Variants in REG1B observed in about 807,000 individuals in gnomAD.
REG1B encodes the protein lithostathine-1-beta.
REG1B carries 21 observed loss-of-function variants against 20.4 expected under a neutral mutation model. The ratio of observed to expected loss-of-function variants is 1.03; its 90% CI spans 0.73 to 1.48. REG1B has a LOEUF of 1.48. REG1B is among the 40% of genes most tolerant of loss of function. REG1B has a pLI of 0.00. For synonymous variants in REG1B, 82 were observed against 73.4 expected (o/e 1.12, Z -0.60); for missense variants, 247 against 197.2 (o/e 1.25, Z -1.51).
chr2:79,087,440 T>C (rs538796768), intron 2 of REG1B, 109 bp downstream of exon 2: 3 of 1,113,406 alleles, frequency 2.7e-6, no homozygotes, highest in East Asian at 2.5e-5. Flanking sequence ...CTGAACAACA[T>C]AAAAAAACCC....
rs746185421 is a variant in REG1B at position 79,085,168 on chromosome 2, T to G, written c.*48A>C. ...ACATAGTCTAGTTTAATTTTTGACTTCATAGTAATTGCAGGACCAGTTCTA... is the reference window on the plus strand; with the variant it reads ...ACATAGTCTAGTTTAATTTTTGACTGCATAGTAATTGCAGGACCAGTTCTA... On this transcript the variant is annotated 3_prime_UTR_variant, in exon 6 of 6. Coordinates refer to ENST00000305089, the MANE Select transcript of REG1B (RefSeq NM_006507.4). 2.9e-6 allele frequency: 4 copies of G among 1,374,018 alleles called. No individual in the cohort carries two copies. Among genetic ancestry groups the G allele is most frequent in the Non-Finnish European group, 4.2e-6 (4 of 961,608 alleles). The allele number at this position is 1,374,018 out of a possible 1,614,324, so 85.1% of individuals were successfully genotyped here.
Position 79,086,358 on chromosome 2 carries a change from C to A in REG1B, c.321+9G>T, listed in dbSNP as rs1159364902. ...GTTTATAAGGAGATAGAGGTGGCTG[C>A]AGACTGACCTTTTTTGGGTCATGGA... On this transcript the variant is annotated intron_variant, in intron 4 of 5. Coordinates refer to ENST00000305089, the MANE Select transcript of REG1B (RefSeq NM_006507.4). 1 of 1,613,830 alleles carries A rather than the reference C, an allele frequency of 6.2e-7. No homozygotes were observed. Among genetic ancestry groups the A allele is most frequent in the Non-Finnish European group, 8.5e-7 (1 of 1,179,908 alleles).
rs903856746 is a variant in REG1B, at chr2:79,085,098, C to T, written c.*118G>A. On this transcript the variant is annotated 3_prime_UTR_variant, in exon 6 of 6. Transcript: ENST00000305089. ...GACAGGTGAAGGTACTGAAGATCAG[C>T]GATGCAAACTCATTAGGGAGGAGAT... 19 of 716,060 alleles carry T rather than the reference C, an allele frequency of 2.7e-5. No individual in the cohort carries two copies. The highest frequency in any genetic ancestry group is 3.8e-5 in the Non-Finnish European group (15 of 398,464). The allele number at this position is 716,060 out of a possible 1,614,324, so 44.4% of individuals were successfully genotyped here.
At chr2:79,085,975 T>C (rs1303697875) in intron 4 of REG1B, 2 of 271,458 alleles carry the variant, frequency 7.4e-6, no homozygotes, top group East Asian at 1.8e-4. Flanking sequence ...AATAATATAC[T>C]GTACAGTTTT....
At chr2:79,086,751 C>T (rs533079813) in intron 3 of REG1B, 61 bp downstream of exon 3, 2 of 1,506,844 alleles carry the variant, frequency 1.3e-6, no homozygotes, top group East Asian at 4.5e-5. Context: ...GAACACACTG[C>T]AAATTAGCAG....
intron 3 of REG1B, 39 bp downstream of exon 3, chr2:79,086,773 T>A (rs367866883): frequency 6.3e-7 from 1 of 1,581,110 alleles, no homozygotes; most frequent in African/African-American, 1.3e-5. Flanking sequence ...TGCCTCTACC[T>A]TCATAAGCCT....
At chr2:79,087,930 C>A in intron 1 of REG1B, 29 bp downstream of exon 1, 1 of 260,118 alleles carries the variant, frequency 3.8e-6, no homozygotes, top group Non-Finnish European at 7.4e-6. Context: ...CCACGTTAGA[C>A]ATGCTCTTCT....
rs539158429 is a variant in REG1B, at chr2:79,085,600, G to A, written c.325C>T (p.Arg109Cys). The change falls in exon 5 of 6, where the codon CGC becomes TGC. Residue 109 changes from arginine (R) to cysteine (C), a missense_variant. Arg to Cys is a radical substitution (Grantham distance 180). Coordinates refer to ENST00000305089, the MANE Select transcript of REG1B (RefSeq NM_006507.4). ...WIGLHDPKKN[R>C]RWHWSSGSLV... ...GACCCACTACTCCAGTGCCAGCGGC[G>A]GTTCTAGATGGAGAAGGGCCAGAAC... 99 of 1,607,960 alleles carry A rather than the reference G, an allele frequency of 6.2e-5. No individual in the cohort carries two copies. Among genetic ancestry groups the A allele is most frequent in the South Asian group, 9.9e-5 (9 of 90,768 alleles).
intron 1 of REG1B, 54 bp from the exon 2 acceptor site, chr2:79,087,712 T>A (rs1672420984): frequency 1.8e-6 from 2 of 1,119,890 alleles, no homozygotes; most frequent in Non-Finnish European, 2.6e-6. Context: ...GCACCTGTTA[T>A]CTTTCTAACA....
rs1672418409 is a variant in REG1B at position 79,087,588 on chromosome 2, T to C, written c.25A>G (p.Met9Val). The C allele has an allele frequency of 6.2e-7, 1 of 1,613,788 alleles. No homozygotes were observed. Among genetic ancestry groups the C allele is most frequent in the East Asian group, 2.2e-5 (1 of 44,866 alleles). The part of the protein sequence containing the change: MAQTNSFF[M>V]LISSLMFLSL... Reference sequence around the variant, plus strand: ...AGGAACATCAGGGAGGAGATCAGCATGAAGAACGAGTTGGTCTGAGCCATG... The same window carrying C: ...AGGAACATCAGGGAGGAGATCAGCACGAAGAACGAGTTGGTCTGAGCCATG... Residue 9 changes from methionine to valine, a missense_variant, in exon 2 of 6, where the codon ATG becomes GTG. Physicochemically the swap from Met to Val is conservative, Grantham distance 21. Coordinates refer to ENST00000305089, the MANE Select transcript of REG1B (RefSeq NM_006507.4).
In REG1B at chr2:79,086,903, T is replaced by C; in HGVS notation, c.92A>G (p.Asn31Ser). 1 of 1,613,726 alleles carries C rather than the reference T, an allele frequency of 6.2e-7. No homozygotes were observed. The highest frequency in any genetic ancestry group is 8.5e-7 in the Non-Finnish European group (1 of 1,179,902). Residue 31 changes from asparagine to serine, a missense_variant, in exon 3 of 6, where the codon AAT becomes AGT. Asn to Ser is a conservative substitution (Grantham distance 46, BLOSUM62 1). Coordinates refer to ENST00000305089, the MANE Select transcript of REG1B (RefSeq NM_006507.4). ...QGQESQTELP[N>S]PRISCPEGTN... ...GCCTTCTGGGCAGCTGATTCGGGGA[T>C]TAGGCAGCTCTGTCTGGGACTCCTG...
In REG1B at chr2:79,085,460, G is replaced by A. The variant is rs769642917; in HGVS notation, c.433+32C>T. On this transcript the variant is annotated intron_variant, in intron 5 of 5. Transcript: ENST00000305089. ...CCCCAGAGATAAGTGGGAAGGAAAT[G>A]GCAACAGGTGGATAGATTGTCTGCC... is the stretch of plus-strand genomic sequence containing the variant. 3.9e-6 allele frequency: 6 copies of A among 1,551,540 alleles called. No homozygotes were observed. The South Asian group carries it at 6.7e-5, about 17-fold the overall frequency.
At chr2:79,086,984 G>C in intron 2 of REG1B, 54 bp from the exon 3 acceptor site, 1 of 1,451,496 alleles carries the variant, frequency 6.9e-7, no homozygotes, top group South Asian at 1.1e-5. Context: ...CAAGGAAAAG[G>C]CTGGAAGGTG....
At chr2:79,086,028 C>A (rs1052181030) in intron 4 of REG1B, 11 of 312,456 alleles carry the variant, frequency 3.5e-5, no homozygotes, top group Non-Finnish European at 3.6e-5. Context: ...GCAGTAGATT[C>A]TCCTCCACTA....
At position 79,085,112 on chromosome 2, in the gene REG1B, T is replaced by C; in HGVS notation, c.*104A>G. ...CTGAAGATCAGCGATGCAAACTCAT[T>C]AGGGAGGAGATGGTCTGAACTGAGT... On this transcript the variant is annotated 3_prime_UTR_variant, in exon 6 of 6. Coordinates refer to ENST00000305089, the MANE Select transcript of REG1B (RefSeq NM_006507.4). 1.3e-6 allele frequency: 1 copy of C among 786,606 alleles called. No individual in the cohort carries two copies. The highest frequency in any genetic ancestry group is 2.4e-5 in the East Asian group (1 of 40,992). The allele number at this position is 786,606 out of a possible 1,614,324, so 48.7% of individuals were successfully genotyped here. A position where few individuals can be genotyped will look rare whatever the true frequency, so the allele number is the denominator to read the frequency against.
intron 1 of REG1B, 55 bp from the exon 2 acceptor site, chr2:79,087,713 C>A: frequency 9.1e-7 from 1 of 1,094,234 alleles, no homozygotes; most frequent in Non-Finnish European, 1.3e-6. Context: ...CACCTGTTAT[C>A]TTTCTAACAT....
chr2:79,086,024 GA>G (rs1315329117), intron 4 of REG1B: 3 of 307,470 alleles, frequency 9.8e-6, no homozygotes, highest in Non-Finnish European at 1.8e-5. Context: ...GCCAGCAGTA[GA>G]TTCTCCTCCA....
intron 5 of REG1B, 61 bp downstream of exon 5, chr2:79,085,431 T>A: frequency 7.0e-7 from 1 of 1,426,822 alleles, no homozygotes; most frequent in Non-Finnish European, 9.9e-7. Context: ...GTCCCCATGT[T>A]CATCCCCAGA....
At chr2:79,087,493 G>C in intron 2 of REG1B, 56 bp downstream of exon 2, 1 of 1,562,106 alleles carries the variant, frequency 6.4e-7, no homozygotes. Flanking sequence ...TTATACATGA[G>C]GATGGAGGGA....
Sources: allele counts gnomAD v4.1 joint callset, GRCh38; gene constraint gnomAD v4.1.1; transcripts MANE v1.5; gene names NCBI Gene and HGNC (gene_info 2026-07-23, HGNC 2026-07-21).